Variants in LCA5 observed in about 807,000 individuals in gnomAD.
The protein encoded by LCA5 is lebercilin.
Under a neutral mutation model 53.0 loss-of-function variants are expected in LCA5, and 37 were observed. The observed-to-expected ratio is 0.70, with a 90% CI of 0.54 to 0.92. The LOEUF is 0.92. LCA5 is among the 40% of genes least tolerant of loss of function. The pLI, the probability that LCA5 is intolerant of heterozygous loss-of-function variation, is 0.00. For missense variants in LCA5, 806 were observed against 790.5 expected (o/e 1.02, Z -0.23); for synonymous variants, 303 against 282.9 (o/e 1.07, Z -0.71).
intron 3 of LCA5, among the ~76,000 whole-genome samples, chr6:79,499,445 T>A (rs1375456044): frequency 4.6e-5 from 7 of 152,142 alleles, no homozygotes; most frequent in Non-Finnish European, 1.0e-4. Flanking sequence ...AACTTCAGTT[T>A]AAGATCTTAA....
At chr6:79,521,638 T>C (rs964253203) in intron 1 of LCA5, among the ~76,000 whole-genome samples, 6 of 152,198 alleles carry the variant, frequency 3.9e-5, no homozygotes, top group African/African-American at 1.4e-4. Flanking sequence ...TATGAATTTA[T>C]GATGGCTTTT....
intron 1 of LCA5, among the ~76,000 whole-genome samples, chr6:79,527,894 C>T (rs1238111335): frequency 6.6e-6 from 1 of 152,092 alleles, no homozygotes; most frequent in Non-Finnish European, 1.5e-5. Flanking sequence ...AACTCCAAAC[C>T]CTAATAAACA....
intron 6 of LCA5, among the ~76,000 whole-genome samples, chr6:79,490,993 A>G (rs1769822277): frequency 6.6e-6 from 1 of 151,918 alleles, no homozygotes; most frequent in African/African-American, 2.4e-5. Context: ...TTCCACTGCA[A>G]TTACCTTGTT....
chr6:79,519,930 TAA>T (rs1368122658), intron 1 of LCA5, among the ~76,000 whole-genome samples: 13 of 152,084 alleles, frequency 8.5e-5, no homozygotes, highest in Admixed American at 2.6e-4. Context: ...GCAAAATATA[TAA>T]GACTCCAAAA....
chr6:79,492,201 TG>T (rs1470541637), intron 5 of LCA5, among the ~76,000 whole-genome samples: 1 of 151,966 alleles, frequency 6.6e-6, no homozygotes, highest in African/African-American at 2.4e-5. Flanking sequence ...GAAATAAAAC[TG>T]GTAAAAAGTA....
intron 1 of LCA5, among the ~76,000 whole-genome samples, chr6:79,519,762 A>G (rs1210515152): frequency 6.6e-6 from 1 of 151,728 alleles, no homozygotes; most frequent in Admixed American, 6.6e-5. Context: ...TCCAAGATTG[A>G]CCACACAAAA....
At chr6:79,519,137 TAC>T in intron 1 of LCA5, 52 bp from the exon 2 acceptor site, 1 of 538,296 alleles carries the variant, frequency 1.9e-6, no homozygotes, top group South Asian at 2.2e-5. Context: ...CTACAGTTTC[TAC>T]AGTTAATTAC....
At chr6:79,498,081 C>T (rs1770032365) in intron 3 of LCA5, among the ~76,000 whole-genome samples, 1 of 150,918 alleles carries the variant, frequency 6.6e-6, no homozygotes, top group African/African-American at 2.4e-5. Context: ...TACTATGGTT[C>T]TATAAAGGGC....
intron 3 of LCA5, among the ~76,000 whole-genome samples, chr6:79,506,704 T>A (rs1296016637): frequency 6.6e-6 from 1 of 152,196 alleles, no homozygotes. Context: ...TGAAAACCCT[T>A]AAAGGTCCCT....
At chr6:79,500,063 A>G (rs1023301738) in intron 3 of LCA5, among the ~76,000 whole-genome samples, 4 of 151,710 alleles carry the variant, frequency 2.6e-5, no homozygotes, top group African/African-American at 7.3e-5. Flanking sequence ...TCCATGGTGT[A>G]TATGTGCCAC....
In LCA5 at chr6:79,513,285, G is replaced by C. The variant is rs1766296436; in HGVS notation, c.647C>G (p.Pro216Arg). The change falls in exon 3 of 8, where the codon CCT becomes CGT. Residue 216 changes from proline (P) to arginine (R), a missense_variant. Pro to Arg is a moderately radical substitution (Grantham distance 103). Transcript: ENST00000369846. ...TTTCTTTGCCAAATCATCTCGTTCAGGTAGGTGTCTAGCTTCAGAGATCTC... is the reference window on the plus strand; with the variant it reads ...TTTCTTTGCCAAATCATCTCGTTCACGTAGGTGTCTAGCTTCAGAGATCTC... ...LKEISEARHL[P>R]ERDDLAKKLV... 6.2e-7 allele frequency: 1 copy of C among 1,613,496 alleles called. No individual in the cohort carries two copies. Among genetic ancestry groups the C allele is most frequent in the Non-Finnish European group, 8.5e-7 (1 of 1,179,756 alleles).
At chr6:79,528,464 G>C (rs1766857488) in intron 1 of LCA5, among the ~76,000 whole-genome samples, 1 of 152,104 alleles carries the variant, frequency 6.6e-6, no homozygotes, top group South Asian at 2.1e-4. Context: ...GATTGGATAG[G>C]GACTTGTGCT....
rs1562109293 is a variant in LCA5 at position 79,518,837 on chromosome 6, G to A, written c.58C>T (p.His20Tyr). ...TCAAAATCAGATAAGTAAGAATAAT[G>A]GTGTTTGCCTGCCTTTCTTTCTTGA... is the stretch of plus-strand genomic sequence containing the variant. The part of the protein sequence containing the change: ...TDQERKAGKH[H>Y]YSYLSDFETP... The change falls in exon 2 of 8, where the codon CAT (histidine) becomes TAT (tyrosine). Residue 20 changes from histidine to tyrosine, a missense_variant. Coordinates refer to ENST00000369846, the MANE Select transcript of LCA5 (RefSeq NM_001122769.3). The A allele has an allele frequency of 5.6e-6, 9 of 1,613,914 alleles. No individual in the cohort carries two copies. In the Admixed American group the frequency reaches 1.3e-4, roughly 24 times the overall value.
At position 79,486,438 on chromosome 6, in the gene LCA5, G is replaced by A. The variant is rs1028780337; in HGVS notation, c.*566C>T. On this transcript the variant is annotated 3_prime_UTR_variant, in exon 8 of 8. Transcript: ENST00000369846. ...GGAAATGAGTAGTGTTTAGCTGTGG[G>A]TACTTTCAGAGGAATGGGAAATCCC... 1.3e-5 allele frequency: 2 copies of A among 152,452 alleles called. No homozygotes were observed. The highest frequency in any genetic ancestry group is 2.9e-5 in the Non-Finnish European group (2 of 68,250). 9.4% of individuals were successfully genotyped at this position (152,452 alleles called of 1,614,324 possible). A position where few individuals can be genotyped will look rare whatever the true frequency, so the allele number is the denominator to read the frequency against.
chr6:79,511,730 C>T (rs889927925), intron 3 of LCA5, among the ~76,000 whole-genome samples: 4 of 151,584 alleles, frequency 2.6e-5, no homozygotes, highest in Non-Finnish European at 5.9e-5. Context: ...ACAATGAACT[C>T]AAAATAAAAA....
intron 2 of LCA5, among the ~76,000 whole-genome samples, chr6:79,514,664 T>A (rs1201291581): frequency 6.6e-6 from 1 of 152,148 alleles, no homozygotes; most frequent in East Asian, 1.9e-4. Flanking sequence ...ATATACACCA[T>A]GGAATACTAT....
Position 79,536,760 on chromosome 6 carries a change from T to C in LCA5, c.-192+405A>G, listed in dbSNP as rs1171210867. ...GGCCCTTGGCCCTGCCCCTCCTCTC[T>C]AGTCTTGAGTCTCCACGGGCCTCCG... On this transcript the variant is annotated intron_variant, in intron 1 of 7. Coordinates refer to ENST00000369846, the MANE Select transcript of LCA5 (RefSeq NM_001122769.3). 5.3e-4 allele frequency among the ~76,000 whole-genome samples: 80 copies of C among 152,156 alleles called. 1 individual carries two copies. Among genetic ancestry groups the C allele is most frequent in the Admixed American group, 5.2e-3 (80 of 15,276 alleles).
intron 1 of LCA5, among the ~76,000 whole-genome samples, chr6:79,531,203 ACCT>A (rs1428305312): frequency 6.6e-6 from 1 of 152,106 alleles, no homozygotes; most frequent in Non-Finnish European, 1.5e-5. Flanking sequence ...CTTTGAAGCC[ACCT>A]CCACCTGTAT....
intron 1 of LCA5, among the ~76,000 whole-genome samples, chr6:79,530,939 G>A (rs1766940899): frequency 6.6e-6 from 1 of 152,110 alleles, no homozygotes; most frequent in Non-Finnish European, 1.5e-5. Context: ...GTTTTCTTGT[G>A]AAGTATAAAG....
Sources: gnomAD v4.1 joint callset for allele counts (sites outside exome capture counted in the v4.1 genomes callset) on GRCh38, gnomAD v4.1.1 for gene constraint, MANE v1.5 for transcripts, NCBI Gene and HGNC (gene_info 2026-07-23, HGNC 2026-07-21) for gene names.